Variants in PPEF1 observed in about 807,000 individuals in gnomAD.
The protein encoded by PPEF1 is protein phosphatase with EF-hand domain 1.
PPEF1 carries 12 observed loss-of-function variants against 53.3 expected under a neutral mutation model. That is an observed-to-expected ratio of 0.23 (90% CI 0.14 to 0.36). PPEF1 has a LOEUF of 0.36. Ranked by LOEUF, PPEF1 falls within the 10% of genes least tolerant of loss-of-function variation. The pLI is 1.00. For synonymous variants in PPEF1, 165 were observed against 176.7 expected (o/e 0.93, Z 0.52); for missense variants, 334 against 490.4 (o/e 0.68, Z 3.01).
At chrX:18,826,578 G>A (rs1162893023) in intron 15 of PPEF1, among the ~76,000 whole-genome samples, 1 of 107,197 alleles carries the variant, frequency 9.3e-6, no homozygotes, top group Non-Finnish European at 1.9e-5. Flanking sequence ...ACAGGCATGC[G>A]CCACCACACC....
intron 3 of PPEF1, among the ~76,000 whole-genome samples, chrX:18,738,464 C>T (rs1462768628): frequency 8.9e-6 from 1 of 112,184 alleles, no homozygotes; most frequent in Non-Finnish European, 1.9e-5. Context: ...CCACCCTCTT[C>T]TGGCTTGTAG....
chrX:18,683,274 C>T (rs1420178382), intron 1 of PPEF1, among the ~76,000 whole-genome samples: 1 of 111,428 alleles, frequency 9.0e-6, no homozygotes, highest in Non-Finnish European at 1.9e-5. Context: ...CGCTTGCTCA[C>T]GTGTGGCACA....
At chrX:18,715,485 G>A (rs752215218) in intron 1 of PPEF1, among the ~76,000 whole-genome samples, 34 of 111,271 alleles carry the variant, frequency 3.1e-4, no homozygotes, top group African/African-American at 1.0e-3. Flanking sequence ...AGTGAGCCAA[G>A]ATCATGCCAC....
At chrX:18,774,412 G>T (rs952166004) in intron 6 of PPEF1, among the ~76,000 whole-genome samples, 7 of 112,097 alleles carry the variant, frequency 6.2e-5, no homozygotes, top group Non-Finnish European at 1.1e-4. Flanking sequence ...TGTTAGTATG[G>T]TTATTTAGTT....
chrX:18,789,936 A>G (rs1207149471), intron 10 of PPEF1, among the ~76,000 whole-genome samples: 1 of 111,908 alleles, frequency 8.9e-6, no homozygotes, highest in Non-Finnish European at 1.9e-5. Flanking sequence ...GTATGTTTTT[A>G]TTTCTCTTAA....
chrX:18,703,179 A>G (rs1410069216), upstream of PPEF1, among the ~76,000 whole-genome samples: 5 of 111,424 alleles, frequency 4.5e-5, no homozygotes, highest in Non-Finnish European at 9.4e-5. Context: ...GGGGCAGTAC[A>G]TGGGAGGGGT....
At chrX:18,783,604 G>A (rs181711749) in intron 8 of PPEF1, among the ~76,000 whole-genome samples, 2 of 110,589 alleles carry the variant, frequency 1.8e-5, no homozygotes, top group African/African-American at 6.6e-5. Context: ...TTTAGTCCCA[G>A]CTACTTGGGA....
chrX:18,723,857 G>A (rs992816161), intron 1 of PPEF1, among the ~76,000 whole-genome samples: 7 of 109,134 alleles, frequency 6.4e-5, no homozygotes, highest in Non-Finnish European at 1.1e-4. Context: ...TTGGCTCACT[G>A]CAACCTCTGC....
chrX:18,715,582 T>G (rs1416870030), intron 1 of PPEF1, among the ~76,000 whole-genome samples: 1 of 112,061 alleles, frequency 8.9e-6, no homozygotes, highest in African/African-American at 3.2e-5. Context: ...ATTTTATTTC[T>G]TTTGTGATAT....
At chrX:18,678,369 C>T (rs942592584), upstream of PPEF1, among the ~76,000 whole-genome samples, 1 of 110,335 alleles carries the variant, frequency 9.1e-6, no homozygotes. Context: ...CTGGGGAGGT[C>T]GAGGCTGCAA....
chrX:18,687,521 T>G (rs1929139212), intron 3 of PPEF1, among the ~76,000 whole-genome samples: 1 of 111,317 alleles, frequency 9.0e-6, no homozygotes, highest in Non-Finnish European at 1.9e-5. Flanking sequence ...TTCTATTATG[T>G]CCCTAGACAC....
intron 1 of PPEF1, among the ~76,000 whole-genome samples, chrX:18,710,988 GTGTGTGTGTGTATATA>G (rs1233449074): frequency 9.2e-6 from 1 of 108,871 alleles, no homozygotes; most frequent in Non-Finnish European, 1.9e-5. Context: ...ATATGTAAGT[GTGTGTGTGTGTATATA>G]TGTGTGTGTG....
At chrX:18,770,203 G>A (rs916763530) in intron 6 of PPEF1, among the ~76,000 whole-genome samples, 1 of 111,396 alleles carries the variant, frequency 9.0e-6, no homozygotes, top group Non-Finnish European at 1.9e-5. Context: ...GTCAGTAGCC[G>A]GAATCCTAAA....
intron 3 of PPEF1, among the ~76,000 whole-genome samples, chrX:18,744,505 A>G (rs186165076): frequency 1.2e-3 from 135 of 112,070 alleles, no homozygotes; most frequent in African/African-American, 4.2e-3. Context: ...TCCCACAGGC[A>G]GAAAGCCGAA....
At chrX:18,765,989 C>T (rs1490669486) in intron 6 of PPEF1, among the ~76,000 whole-genome samples, 2 of 103,238 alleles carry the variant, frequency 1.9e-5, no homozygotes, top group Non-Finnish European at 3.9e-5. Context: ...CGCTTGAACC[C>T]GGGAGGTGGA....
chrX:18,688,145 A>G (rs1929178178), intron 3 of PPEF1, among the ~76,000 whole-genome samples: 1 of 112,264 alleles, frequency 8.9e-6, no homozygotes, highest in African/African-American at 3.2e-5. Flanking sequence ...CTCTGCACAG[A>G]GGAGTTCATT....
intron 1 of PPEF1, among the ~76,000 whole-genome samples, chrX:18,719,801 T>G (rs1359315088): frequency 8.9e-6 from 1 of 111,830 alleles, no homozygotes. Flanking sequence ...AAAATCACTG[T>G]TTTGCAACCA....
chrX:18,774,600 C>T (rs1313219481), intron 6 of PPEF1, among the ~76,000 whole-genome samples: 1 of 112,268 alleles, frequency 8.9e-6, no homozygotes, highest in Non-Finnish European at 1.9e-5. Flanking sequence ...ATGTTAAATA[C>T]TACACATTTG....
intron 6 of PPEF1, among the ~76,000 whole-genome samples, chrX:18,770,515 C>G (rs2045853402): frequency 9.0e-6 from 1 of 111,514 alleles, no homozygotes. Flanking sequence ...GTCTTAATCT[C>G]TTGAAGACAT....
Sources: allele counts gnomAD v4.1 joint callset (sites outside exome capture counted in the v4.1 genomes callset), GRCh38; gene constraint gnomAD v4.1.1; transcripts MANE v1.5; gene names NCBI Gene and HGNC (gene_info 2026-07-23, HGNC 2026-07-21).